The following MAP3K20 variants were observed in gnomAD, a reference collection of about 807,000 sequenced individuals.
The protein encoded by MAP3K20 is mitogen-activated protein kinase kinase kinase 20, also known as HCCS-4.
Under a neutral mutation model 85.7 loss-of-function variants are expected in MAP3K20, and 40 were observed. The ratio of observed to expected loss-of-function variants is 0.47; its 90% CI spans 0.36 to 0.61. The LOEUF (loss-of-function observed/expected upper bound fraction) is 0.61, where lower values mean the gene tolerates loss of function less well. Among genes scored for constraint, MAP3K20 ranks in the 20% least tolerant of loss-of-function variants. The pLI is 0.00. For missense variants in MAP3K20, 817 were observed against 961.7 expected (o/e 0.85, Z 1.99); for synonymous variants, 325 against 327.7 (o/e 0.99, Z 0.09).
In MAP3K20 at chr2:173,266,116, G is replaced by A. The variant is rs200257993; in HGVS notation, c.1769G>A (p.Arg590His). ...RQIASNTSLQ[R>H]SQSNPILGSP... ...ATTGCATCCAACACTTCTTTACAGC[G>A]TTCCCAGAGCAATCCTATTCTGGGG... is the stretch of plus-strand genomic sequence containing the variant. Residue 590 changes from arginine to histidine, a missense_variant, in exon 20 of 20, where the codon CGT becomes CAT. Physicochemically the swap from Arg to His is conservative, Grantham distance 29. Transcript: ENST00000375213. 1.7e-4 allele frequency: 270 copies of A among 1,611,192 alleles called. No homozygotes were observed. The highest frequency in any genetic ancestry group is 2.2e-4 in the Non-Finnish European group (261 of 1,178,700).
intron 16 of MAP3K20, among the ~76,000 whole-genome samples, chr2:173,258,008 G>A (rs1685199169): frequency 6.6e-6 from 1 of 152,112 alleles, no homozygotes; most frequent in East Asian, 1.9e-4. Context: ...CTAATTCTCA[G>A]CTGTTCATGA....
intron 2 of MAP3K20, among the ~76,000 whole-genome samples, chr2:173,123,831 A>G (rs2106191159): frequency 6.6e-6 from 1 of 152,044 alleles, no homozygotes. Flanking sequence ...GAAATAAAAT[A>G]TTTTTTTAGA....
intron 11 of MAP3K20, chr2:173,223,994 G>A: frequency 1.0e-6 from 1 of 985,374 alleles, no homozygotes. Flanking sequence ...TATTCATAGA[G>A]CTCCTTCTCT....
chr2:173,159,194 C>T (rs1689568686), intron 2 of MAP3K20, among the ~76,000 whole-genome samples: 2 of 152,216 alleles, frequency 1.3e-5, no homozygotes, highest in African/African-American at 2.4e-5. Flanking sequence ...TCATTAGTTC[C>T]AATTTGAAGC....
chr2:173,249,267 G>A (rs1320751499), intron 16 of MAP3K20, among the ~76,000 whole-genome samples: 4 of 152,188 alleles, frequency 2.6e-5, no homozygotes, highest in African/African-American at 9.7e-5. Flanking sequence ...TGCAAGTTCT[G>A]CAGCTAGAGA....
chr2:173,187,789 T>A (rs1285290400), intron 5 of MAP3K20, among the ~76,000 whole-genome samples, 166 bp downstream of exon 5: 1 of 152,202 alleles, frequency 6.6e-6, no homozygotes, highest in Non-Finnish European at 1.5e-5. Context: ...AATCTCAATA[T>A]TATTTAAAGA....
chr2:173,101,267 A>G (rs781006276), intron 2 of MAP3K20, among the ~76,000 whole-genome samples: 5 of 152,354 alleles, frequency 3.3e-5, no homozygotes, highest in Middle Eastern at 3.4e-3. Flanking sequence ...TTGCAAGCCA[A>G]AGCCCCTAAT....
chr2:173,149,506 A>AT (rs11393723), intron 2 of MAP3K20, among the ~76,000 whole-genome samples: 106,233 of 145,672 alleles, frequency 0.73, 38,943 homozygotes, highest in Non-Finnish European at 0.82. Context: ...AAAAAAGTTT[A>AT]TTTTTTTTTA....
intron 2 of MAP3K20, among the ~76,000 whole-genome samples, chr2:173,108,609 G>A (rs1046867935): frequency 6.6e-6 from 1 of 152,138 alleles, no homozygotes; most frequent in African/African-American, 2.4e-5. Context: ...GAGAAGGACT[G>A]AAACACTTAT....
chr2:173,245,814 C>T (rs1273966126), intron 16 of MAP3K20, among the ~76,000 whole-genome samples: 1 of 152,158 alleles, frequency 6.6e-6, no homozygotes, highest in African/African-American at 2.4e-5. Flanking sequence ...CGCCTGTAGT[C>T]CCAGCTACTT....
Position 173,266,904 on chromosome 2 carries a change from G to T in MAP3K20, c.*154G>T, listed in dbSNP as rs1685440208. ...GAAATACCTTCTAATTGAGACTATA[G>T]CCAAACCAGGGCCAAAATTATGGAT... On this transcript the variant is annotated 3_prime_UTR_variant, in exon 20 of 20. Coordinates refer to ENST00000375213, the MANE Select transcript of MAP3K20 (RefSeq NM_016653.3). 2.7e-6 allele frequency: 2 copies of T among 744,870 alleles called. No homozygotes were observed. The highest frequency in any genetic ancestry group is 3.9e-6 in the Non-Finnish European group (2 of 514,854). The allele number at this position is 744,870 out of a possible 1,614,324, so 46.1% of individuals were successfully genotyped here. A position where few individuals can be genotyped will look rare whatever the true frequency, so the allele number is the denominator to read the frequency against.
At chr2:173,243,799 A>AT (rs1684852347) in intron 16 of MAP3K20, among the ~76,000 whole-genome samples, 1 of 151,968 alleles carries the variant, frequency 6.6e-6, no homozygotes, top group Non-Finnish European at 1.5e-5. Context: ...AATTTTTGGT[A>AT]TTTTTAGTAG....
At chr2:173,220,559 A>T (rs1473737180) in intron 11 of MAP3K20, among the ~76,000 whole-genome samples, 3 of 152,224 alleles carry the variant, frequency 2.0e-5, no homozygotes, top group Non-Finnish European at 4.4e-5. Context: ...AGTTCTGGCT[A>T]CAATAAATAA....
intron 2 of MAP3K20, among the ~76,000 whole-genome samples, chr2:173,161,044 T>C (rs1393378012): frequency 1.3e-5 from 2 of 148,612 alleles, no homozygotes; most frequent in Non-Finnish European, 3.0e-5. Context: ...AAATAGAGGG[T>C]TTAAGGTTAA....
chr2:173,175,832 T>C (rs543187398), intron 3 of MAP3K20, among the ~76,000 whole-genome samples: 1 of 152,182 alleles, frequency 6.6e-6, no homozygotes, highest in East Asian at 1.9e-4. Flanking sequence ...AAGAGTAGAC[T>C]GAGAGAATCT....
intron 2 of MAP3K20, among the ~76,000 whole-genome samples, chr2:173,129,190 G>T (rs1363642516): frequency 6.6e-6 from 1 of 151,992 alleles, no homozygotes; most frequent in African/African-American, 2.4e-5. Context: ...GCTTCCCAAA[G>T]TGCTGGTGAG....
chr2:173,134,424 A>ATTTTTTTTTT (rs1315509260), intron 2 of MAP3K20, among the ~76,000 whole-genome samples: 7 of 5,036 alleles, frequency 1.4e-3, no homozygotes, highest in East Asian at 4.3e-3. Flanking sequence ...ATATATATAT[A>ATTTTTTTTTT]TATATTTTTT....
intron 9 of MAP3K20, among the ~76,000 whole-genome samples, chr2:173,204,305 TAC>T (rs1270517334): frequency 1.3e-5 from 2 of 152,096 alleles, no homozygotes; most frequent in East Asian, 3.8e-4. Context: ...AACCAAGACA[TAC>T]AGAGGTTACA....
chr2:173,158,233 T>C (rs1689539380), intron 2 of MAP3K20, among the ~76,000 whole-genome samples: 1 of 152,208 alleles, frequency 6.6e-6, no homozygotes, highest in Non-Finnish European at 1.5e-5. Context: ...CAATACATGT[T>C]AGCTAGTATT....
Sources: gnomAD v4.1 joint callset for allele counts (sites outside exome capture counted in the v4.1 genomes callset) on GRCh38, gnomAD v4.1.1 for gene constraint, MANE v1.5 for transcripts, NCBI Gene and HGNC (gene_info 2026-07-23, HGNC 2026-07-21) for gene names.